The following LOXL4 variants were observed in gnomAD, a reference collection of about 807,000 sequenced individuals.
LOXL4 encodes lysyl oxidase homolog 4.
In LOXL4, 72 loss-of-function variants were observed where a neutral mutation model predicts 89.1. The observed-to-expected ratio is 0.81, with a 90% CI of 0.67 to 0.98. LOXL4 has a LOEUF of 0.98. Ranked by LOEUF, LOXL4 falls within the 50% of genes least tolerant of loss-of-function variation. The probability of loss-of-function intolerance (pLI) is 0.00; values close to 1 mark genes in which losing one functional copy is unlikely to be tolerated. For synonymous variants in LOXL4, 355 were observed against 392.1 expected, an observed-to-expected ratio of 0.91 and a Z score of 1.12; for missense variants, 984 against 1,017.5, an observed-to-expected ratio of 0.97 and a Z score of 0.45.
In LOXL4 at chr10:98,248,007, A is replaced by G. The variant is rs902246600; in HGVS notation, c.*914T>C. On this transcript the variant is annotated 3_prime_UTR_variant, in exon 15 of 15. Transcript: ENST00000260702. ...GTTTGATGTTCTTTCCATGGCAAAA[A>G]TTTATTCAATGCAAAGTTCACTTCA... 2 of 152,122 alleles carry G rather than the reference A, an allele frequency of 1.3e-5. No homozygotes were observed. Among genetic ancestry groups the G allele is most frequent in the East Asian group, 1.9e-4 (1 of 5,184 alleles). The allele number at this position is 152,122 out of a possible 1,614,324, so 9.4% of individuals were successfully genotyped here.
chr10:98,253,922 G>T, intron 10 of LOXL4, 126 bp from the exon 11 acceptor site: 1 of 1,189,746 alleles, frequency 8.4e-7, no homozygotes, highest in Non-Finnish European at 1.2e-6. Context: ...AAGAAGGGCA[G>T]TTTTAAGAGT....
rs1376733616 is a variant in LOXL4 at position 98,253,760 on chromosome 10, T to C, written c.1628A>G (p.Gln543Arg). Residue 543 changes from glutamine (Q) to arginine (R), a missense_variant, in exon 11 of 15, where the codon CAG becomes CGG. Coordinates refer to ENST00000260702, the MANE Select transcript of LOXL4 (RefSeq NM_032211.7). ...PDLVMNAQLV[Q>R]ETAYLEDRPL... is the part of the protein sequence containing the mutation. ...GCGGTCCTCCAAGTAGGCCGTCTCC[T>C]GCACTAGCTGGGCGTTCATCACCAG... is the stretch of plus-strand genomic sequence containing the variant. 6.2e-7 allele frequency: 1 copy of C among 1,614,156 alleles called. No homozygotes were observed. The highest frequency in any genetic ancestry group is 1.7e-5 in the Admixed American group (1 of 60,024).
rs770388281 is a variant in LOXL4, at chr10:98,256,885, G to A, written c.1323C>T (p.Asn441=). The A allele has an allele frequency of 1.4e-5, 22 of 1,614,044 alleles. No individual in the cohort carries two copies. The highest frequency in any genetic ancestry group is 5.3e-5 in the African/African-American group (4 of 74,938). ...EGLLEVQVEV[N]GVPRWGSVCS... The stretch of plus-strand genomic sequence containing the variant: ...ACACGCTCCCCCAGCGTGGGACCCC[G>A]TTCACCTCCACCTGCACCTCCAATA... The change falls in exon 9 of 15, where the codon AAC becomes AAT. Residue 441 remains asparagine, a synonymous_variant. Coordinates refer to ENST00000260702, the MANE Select transcript of LOXL4 (RefSeq NM_032211.7).
chr10:98,261,932 T>C (rs2135842840), intron 3 of LOXL4, 103 bp downstream of exon 3: 1 of 1,236,740 alleles, frequency 8.1e-7, no homozygotes, highest in East Asian at 2.6e-5. Context: ...CAGTGCAGAC[T>C]GCACCCTTTC....
intron 10 of LOXL4, 31 bp downstream of exon 10, chr10:98,255,546 T>G: frequency 6.3e-7 from 1 of 1,580,860 alleles, no homozygotes; most frequent in Non-Finnish European, 8.7e-7. Flanking sequence ...GGCCTACCTG[T>G]CCCCAGCCCT....
Position 98,257,765 on chromosome 10 carries a change from C to T in LOXL4, c.1145G>A (p.Gly382Glu). The part of the protein sequence containing the change: ...PIHLSEVRCR[G>E]YERTLSDCPA... ...GCAGTCGCTGAGGGTCCGCTCATAT[C>T]CCCTGCAGCGCACCTCACTCAGGTG... The change falls in exon 8 of 15, where the codon GGA becomes GAA. Residue 382 changes from glycine to glutamate, a missense_variant. Physicochemically the swap from Gly to Glu is moderately conservative, Grantham distance 98 (BLOSUM62 -2). Transcript: ENST00000260702. 6.2e-7 allele frequency: 1 copy of T among 1,614,040 alleles called. No individual in the cohort carries two copies. Among genetic ancestry groups the T allele is most frequent in the South Asian group, 1.1e-5 (1 of 91,070 alleles).
At position 98,255,691 on chromosome 10, in the gene LOXL4, T is replaced by A. The variant is rs1858339870; in HGVS notation, c.1477A>T (p.Ser493Cys). 6.8e-6 allele frequency: 11 copies of A among 1,613,308 alleles called. No individual in the cohort carries two copies. Among genetic ancestry groups the A allele is most frequent in the Non-Finnish European group, 9.3e-6 (11 of 1,179,438 alleles). The part of the protein sequence containing the change: ...GTPRAQEVVM[S>C]GVRCSGTELA... ...TCTGTGCCTGAGCAGCGCACCCCAC[T>A]CATCACCACCTCCTGGGCCCTTGGC... The change falls in exon 10 of 15, where the codon AGT (serine) becomes TGT (cysteine). Residue 493 changes from serine (S) to cysteine (C), a missense_variant. By Grantham distance (112) the Ser-to-Cys change is moderately radical. Transcript: ENST00000260702.
Position 98,259,164 on chromosome 10 carries a change from G to T in LOXL4, c.766C>A (p.Pro256Thr), listed in dbSNP as rs1858470373. 1 of 1,612,284 alleles carries T rather than the reference G, an allele frequency of 6.2e-7. No homozygotes were observed. Among genetic ancestry groups the T allele is most frequent in the Non-Finnish European group, 8.5e-7 (1 of 1,179,860 alleles). The change falls in exon 6 of 15, where the codon CCC becomes ACC. Residue 256 changes from proline to threonine, a missense_variant. Pro to Thr is a conservative substitution (Grantham distance 38, BLOSUM62 -1). Transcript: ENST00000260702. ...IHQVTCLGTE[P>T]HMANCQVQVA... is the part of the protein sequence containing the mutation. ...TGCACCTGGCAGTTGGCCATGTGGG[G>T]CTCTGTCCCCAGGCAGGTGACCTGG...
intron 2 of LOXL4, among the ~76,000 whole-genome samples, chr10:98,262,483 C>T (rs1590884671): frequency 6.6e-6 from 1 of 152,324 alleles, no homozygotes; most frequent in East Asian, 1.9e-4. Flanking sequence ...TTTCATTCAA[C>T]ATTCTCTAAG....
intron 10 of LOXL4, 129 bp from the exon 11 acceptor site, chr10:98,253,925 T>A: frequency 8.4e-7 from 1 of 1,185,338 alleles, no homozygotes; most frequent in Non-Finnish European, 1.2e-6. Context: ...AAGGGCAGTT[T>A]TAAGAGTCAG....
intron 14 of LOXL4, 111 bp downstream of exon 14, chr10:98,250,954 A>G: frequency 1.3e-6 from 1 of 746,140 alleles, no homozygotes; most frequent in Non-Finnish European, 2.3e-6. Context: ...AGCCTTTTGC[A>G]CACCACACAC....
intron 12 of LOXL4, 123 bp downstream of exon 12, chr10:98,252,230 T>G (rs1203516214): frequency 9.7e-6 from 7 of 722,834 alleles, no homozygotes; most frequent in Middle Eastern, 5.0e-4. Context: ...ATGCTAACTT[T>G]TCAAGCCAGG....
chr10:98,251,935 C>T, intron 12 of LOXL4: 1 of 559,052 alleles, frequency 1.8e-6, no homozygotes, highest in East Asian at 3.0e-5. Flanking sequence ...TTGGGAGATT[C>T]CAACGCTCCC....
In LOXL4 at chr10:98,259,174, C is replaced by T. The variant is rs1858470681; in HGVS notation, c.756G>A (p.Leu252=). The T allele has an allele frequency of 6.2e-7, 1 of 1,612,160 alleles. No individual in the cohort carries two copies. The highest frequency in any genetic ancestry group is 1.1e-5 in the South Asian group (1 of 90,930). The change falls in exon 6 of 15, where the codon CTG becomes CTA. Residue 252 remains leucine (L), a synonymous_variant. Coordinates refer to ENST00000260702, the MANE Select transcript of LOXL4 (RefSeq NM_032211.7). ...AGTTGGCCATGTGGGGCTCTGTCCC[C>T]AGGCAGGTGACCTGGTGGATCCAGA... ...NSFWIHQVTC[L]GTEPHMANCQ...
Position 98,257,708 on chromosome 10 carries a change from T to G in LOXL4, c.1202A>C (p.Gln401Pro), listed in dbSNP as rs774221340. The change falls in exon 8 of 15, where the codon CAA becomes CCA. Residue 401 changes from glutamine to proline, a missense_variant. Physicochemically the swap from Gln to Pro is moderately conservative, Grantham distance 76. Coordinates refer to ENST00000260702, the MANE Select transcript of LOXL4 (RefSeq NM_032211.7). ...CCTGACAGCAGCATCATTCTCATGT[T>G]GGCAACCATTCTGGGACCCTTCCAG... Reference protein sequence around the residue: ...PALEGSQNGCQHENDAAVRCN... With the variant: ...PALEGSQNGCPHENDAAVRCN... 1 of 1,614,112 alleles carries G rather than the reference T, an allele frequency of 6.2e-7. No individual in the cohort carries two copies. The highest frequency in any genetic ancestry group is 8.5e-7 in the Non-Finnish European group (1 of 1,179,990).
rs766348789 is a variant in LOXL4, at chr10:98,257,780, T to C, written c.1130A>G (p.Glu377Gly). ...CCGCTCATATCCCCTGCAGCGCACC[T>C]CACTCAGGTGGATGGGCCCTAGCCC... ...GQGLGPIHLS[E>G]VRCRGYERTL... The change falls in exon 8 of 15, where the codon GAG (glutamate) becomes GGG (glycine). Residue 377 changes from glutamate to glycine, a missense_variant. By Grantham distance (98) the Glu-to-Gly change is moderately conservative. Transcript: ENST00000260702. 1 of 1,613,440 alleles carries C rather than the reference T, an allele frequency of 6.2e-7. No homozygotes were observed. The highest frequency in any genetic ancestry group is 1.1e-5 in the South Asian group (1 of 91,044).
chr10:98,256,665 C>T, intron 9 of LOXL4, 115 bp downstream of exon 9: 2 of 1,180,088 alleles, frequency 1.7e-6, no homozygotes, highest in Non-Finnish European at 2.5e-6. Flanking sequence ...CTCATAGTTT[C>T]ACTCAGTAAT....
Position 98,257,743 on chromosome 10 carries a change from G to A in LOXL4, c.1167C>T (p.Asp389=), listed in dbSNP as rs12241269. The A allele has an allele frequency of 1.3e-3, 2,066 of 1,614,106 alleles. 28 individuals are homozygous for A. In the African/African-American group the frequency reaches 0.025, roughly 19 times the overall value. ...RCRGYERTLS[D]CPALEGSQNG... ...TCTGGGACCCTTCCAGGGCAGGGCAGTCGCTGAGGGTCCGCTCATATCCCC... is the reference window on the plus strand; with the variant it reads ...TCTGGGACCCTTCCAGGGCAGGGCAATCGCTGAGGGTCCGCTCATATCCCC... Residue 389 remains aspartate (D), a synonymous_variant, in exon 8 of 15, where the codon GAC becomes GAT. Transcript: ENST00000260702.
intron 1 of LOXL4, 67 bp from the exon 2 acceptor site, chr10:98,263,118 T>C (rs1590885378): frequency 1.5e-6 from 2 of 1,316,540 alleles, no homozygotes; most frequent in East Asian, 4.9e-5. Context: ...TGCAGCAATT[T>C]GGCAGCTCCT....
Sources: allele counts gnomAD v4.1 joint callset (sites outside exome capture counted in the v4.1 genomes callset), GRCh38; gene constraint gnomAD v4.1.1; transcripts MANE v1.5; gene names NCBI Gene and HGNC (gene_info 2026-07-23, HGNC 2026-07-21).